The following ELMO1 variants were observed in gnomAD, a reference collection of about 807,000 sequenced individuals.
ELMO1 encodes the protein engulfment and cell motility protein 1.
ELMO1 carries 26 observed loss-of-function variants against 98.9 expected under a neutral mutation model. The ratio of observed to expected loss-of-function variants is 0.26; its 90% CI spans 0.19 to 0.36. The LOEUF is 0.36. Among genes scored for constraint, ELMO1 ranks in the 10% least tolerant of loss-of-function variants. ELMO1 has a pLI of 1.00. For missense variants in ELMO1, 627 were observed against 935.2 expected, an observed-to-expected ratio of 0.67 and a Z score of 4.30; for synonymous variants, 346 against 346.0, an observed-to-expected ratio of 1.00 and a Z score of 0.00.
chr7:37,068,400 T>G (rs948712954), intron 15 of ELMO1, among the ~76,000 whole-genome samples: 1 of 152,196 alleles, frequency 6.6e-6, no homozygotes, highest in Non-Finnish European at 1.5e-5. Flanking sequence ...TAAGATGTGA[T>G]GAGGTCACAG....
intron 13 of ELMO1, among the ~76,000 whole-genome samples, chr7:37,203,144 G>A (rs1792394468): frequency 6.6e-6 from 1 of 152,240 alleles, no homozygotes; most frequent in South Asian, 2.1e-4. Context: ...AGATTTAGTG[G>A]CCTTTATTGA....
rs149424421 is a variant in ELMO1 at position 37,017,469 on chromosome 7, C to G, written c.1301-4034G>C. Among the ~76,000 whole-genome samples the G allele has an allele frequency of 2.0e-5, 3 of 152,306 alleles. No individual in the cohort carries two copies. In the South Asian group the frequency reaches 6.2e-4, roughly 32 times the overall value. Reference sequence around the variant, plus strand: ...TTGCGCCTCCCTTGTGATTAAGAGTCGTCATATGACCCAATCCCAAATAAT... The same window carrying G: ...TTGCGCCTCCCTTGTGATTAAGAGTGGTCATATGACCCAATCCCAAATAAT... On this transcript the variant is annotated intron_variant, in intron 15 of 21. Transcript: ENST00000310758.
upstream of ELMO1, chr7:37,448,925 G>T (rs1805782621): frequency 6.6e-6 from 1 of 152,496 alleles, no homozygotes; most frequent in Admixed American, 6.5e-5. Flanking sequence ...CCTTCCTCCT[G>T]CTGGCCAGAG....
At chr7:36,862,005 G>A (rs1802675192) in intron 20 of ELMO1, 1 of 455,180 alleles carries the variant, frequency 2.2e-6, no homozygotes, top group Non-Finnish European at 4.0e-6. Flanking sequence ...GTGGGGCTTA[G>A]AGAGGCTCAA....
chr7:36,958,842 T>C (rs1429668709), intron 16 of ELMO1, among the ~76,000 whole-genome samples: 1 of 151,886 alleles, frequency 6.6e-6, no homozygotes, highest in African/African-American at 2.4e-5. Context: ...CTCCACTCAC[T>C]CCCTAGGTGA....
chr7:37,003,645 A>G (rs1385191413), intron 16 of ELMO1, among the ~76,000 whole-genome samples: 3 of 152,394 alleles, frequency 2.0e-5, no homozygotes, highest in South Asian at 4.1e-4. Context: ...ATTTGCAGAC[A>G]TACAACCAAT....
At chr7:36,897,689 G>A (rs1426688382) in intron 16 of ELMO1, among the ~76,000 whole-genome samples, 5 of 152,146 alleles carry the variant, frequency 3.3e-5, no homozygotes, top group African/African-American at 9.7e-5. Flanking sequence ...ATCCCTTATG[G>A]AATGTGGGGA....
chr7:37,119,172 G>A (rs1007330464), intron 14 of ELMO1, among the ~76,000 whole-genome samples: 3 of 152,174 alleles, frequency 2.0e-5, no homozygotes, highest in Non-Finnish European at 4.4e-5. Flanking sequence ...TGTGATCATT[G>A]ATGTTTAGCT....
At chr7:36,892,909 A>G (rs964884718) in intron 17 of ELMO1, among the ~76,000 whole-genome samples, 4 of 150,946 alleles carry the variant, frequency 2.6e-5, no homozygotes, top group Admixed American at 1.3e-4. Context: ...CATGCAGGAG[A>G]TTTCCTTCAT....
Position 37,321,716 on chromosome 7 carries a change from C to CAA in ELMO1, c.79-5758_79-5757dup, listed in dbSNP as rs565421716. 4.0e-3 allele frequency among the ~76,000 whole-genome samples: 261 copies of CAA among 64,768 alleles called. 2 individuals carry two copies. The highest frequency in any genetic ancestry group is 5.5e-3 in the African/African-American group (68 of 12,362). The allele number at this position is 64,768 out of a possible 152,430, so 42.5% of individuals were successfully genotyped here. A position where few individuals can be genotyped will look rare whatever the true frequency, so the allele number is the denominator to read the frequency against. Reference sequence around the variant, plus strand: ...TGGGCAACAGAGCGAGACTCCGTCTCAAAAAAAAAAAAAAAAAAAAAACAC... The same window carrying CAA: ...TGGGCAACAGAGCGAGACTCCGTCTCAAAAAAAAAAAAAAAAAAAAAAAACAC... On this transcript the variant is annotated intron_variant, in intron 2 of 21. Transcript: ENST00000310758.
chr7:37,374,583 G>A (rs1583646212), intron 1 of ELMO1, among the ~76,000 whole-genome samples: 1 of 151,680 alleles, frequency 6.6e-6, no homozygotes, highest in Non-Finnish European at 1.5e-5. Flanking sequence ...AATTCCATCT[G>A]TACTAAAAAT....
At chr7:37,208,757 G>A (rs1301795021) in intron 13 of ELMO1, among the ~76,000 whole-genome samples, 4 of 152,120 alleles carry the variant, frequency 2.6e-5, no homozygotes, top group Non-Finnish European at 5.9e-5. Context: ...AAAGTTACTG[G>A]ATCATTTCCA....
chr7:37,381,879 C>A (rs1034714255), intron 1 of ELMO1, among the ~76,000 whole-genome samples: 1 of 152,064 alleles, frequency 6.6e-6, no homozygotes, highest in Admixed American at 6.5e-5. Flanking sequence ...GATCCCTCTG[C>A]AAGTTTATGA....
intron 16 of ELMO1, among the ~76,000 whole-genome samples, chr7:36,897,417 G>A (rs1289571268): frequency 6.6e-6 from 1 of 150,694 alleles, no homozygotes; most frequent in Non-Finnish European, 1.5e-5. Context: ...TTCATTGTTT[G>A]GTTACAAGAG....
chr7:37,405,086 C>T (rs1416729192), intron 1 of ELMO1, among the ~76,000 whole-genome samples: 1 of 152,146 alleles, frequency 6.6e-6, no homozygotes, highest in Non-Finnish European at 1.5e-5. Context: ...GGGCCACCGG[C>T]ACTGGGGGAC....
intron 14 of ELMO1, among the ~76,000 whole-genome samples, chr7:37,121,523 C>T (rs1249772552): frequency 2.0e-5 from 3 of 152,058 alleles, no homozygotes; most frequent in Admixed American, 6.5e-5. Context: ...GAAAGGGTAT[C>T]AGCGATGGAA....
At chr7:37,362,363 A>G (rs1801733255) in intron 1 of ELMO1, among the ~76,000 whole-genome samples, 1 of 152,182 alleles carries the variant, frequency 6.6e-6, no homozygotes, top group East Asian at 1.9e-4. Flanking sequence ...CAGTTATAAT[A>G]TGACAGGGCC....
rs201595598 is a variant in ELMO1 at position 37,207,380 on chromosome 7, GTC to G, written c.1086+4004_1086+4005del. Among the ~76,000 whole-genome samples, 282 of 150,262 alleles carry G rather than the reference GTC, an allele frequency of 1.9e-3. 3 individuals carry two copies. Among genetic ancestry groups the G allele is most frequent in the African/African-American group, 6.2e-3 (255 of 40,832 alleles). ...AGCCTGGCCAACATGGCGAAACCCT[GTC>G]TCTACTAAAAATACAAAAAATTAGC... On this transcript the variant is annotated intron_variant, in intron 13 of 21. Transcript: ENST00000310758.
chr7:37,330,683 G>A (rs942152298), intron 2 of ELMO1, among the ~76,000 whole-genome samples: 11 of 152,150 alleles, frequency 7.2e-5, no homozygotes, highest in African/African-American at 1.9e-4. Flanking sequence ...AGAGCAAAAC[G>A]AGCATGAATT....
Sources: allele counts gnomAD v4.1 joint callset (sites outside exome capture counted in the v4.1 genomes callset), GRCh38; gene constraint gnomAD v4.1.1; transcripts MANE v1.5; gene names NCBI Gene and HGNC (gene_info 2026-07-23, HGNC 2026-07-21).